OR3A2: variants seen among roughly 807,000 people sequenced by gnomAD.
OR3A2 encodes olfactory receptor family 3 subfamily A member 2.
For synonymous variants in OR3A2, 126 were observed against 159.3 expected, an observed-to-expected ratio of 0.79 and a Z score of 1.57; for missense variants, 318 against 392.8, an observed-to-expected ratio of 0.81 and a Z score of 1.61.
At chr17:3,341,131 C>T (rs1476975290) in intron 2 of OR3A2, among the ~76,000 whole-genome samples, 1 of 152,158 alleles carries the variant, frequency 6.6e-6, no homozygotes, top group African/African-American at 2.4e-5. Flanking sequence ...AGATCTTCCT[C>T]CATCCCTTTA....
chr17:3,374,275 AGG>A (rs2049659988), intron 2 of OR3A2, among the ~76,000 whole-genome samples: 1 of 152,178 alleles, frequency 6.6e-6, no homozygotes, highest in South Asian at 2.1e-4. Context: ...CTATCTGCCC[AGG>A]TGATGATCTT....
At position 3,321,548 on chromosome 17, in the gene OR3A2, C is replaced by T. The variant is rs576557210; in HGVS notation, c.-85+14485G>A. ...AGATAGCTCTTATTATTTTGAGATA[C>T]ATCCTATCAATACCTAATTTATTGA... On this transcript the variant is annotated intron_variant, in intron 3 of 4. Coordinates refer to the OR3A2 transcript ENST00000573491. 7.2e-4 allele frequency among the ~76,000 whole-genome samples: 110 copies of T among 152,164 alleles called. 1 individual carries two copies. Among genetic ancestry groups the T allele is most frequent in the African/African-American group, 2.6e-3 (106 of 41,500 alleles).
At chr17:3,279,717 C>T (rs1165033020) in intron 1 of OR3A2, among the ~76,000 whole-genome samples, 1 of 152,040 alleles carries the variant, frequency 6.6e-6, no homozygotes, top group African/African-American at 2.4e-5. Flanking sequence ...GAACCCGAGA[C>T]GTGGAGGTTG....
At chr17:3,360,606 G>A (rs1194982927) in intron 2 of OR3A2, among the ~76,000 whole-genome samples, 1 of 151,764 alleles carries the variant, frequency 6.6e-6, no homozygotes, top group Non-Finnish European at 1.5e-5. Flanking sequence ...AAGGTGTAAA[G>A]AAGGGATCCA....
intron 2 of OR3A2, among the ~76,000 whole-genome samples, chr17:3,381,946 A>C (rs1305250111): frequency 1.3e-5 from 2 of 152,188 alleles, no homozygotes; most frequent in Non-Finnish European, 2.9e-5. Flanking sequence ...CATTACAGAA[A>C]AAACAAAAAC....
chr17:3,326,819 T>C (rs1286300896), intron 3 of OR3A2, among the ~76,000 whole-genome samples: 1 of 141,846 alleles, frequency 7.0e-6, no homozygotes, highest in African/African-American at 2.7e-5. Flanking sequence ...TTTTTTGTTC[T>C]TGCGATAGTT....
intron 2 of OR3A2, among the ~76,000 whole-genome samples, chr17:3,339,073 G>A (rs905013055): frequency 1.3e-5 from 2 of 152,112 alleles, no homozygotes; most frequent in Admixed American, 1.3e-4. Flanking sequence ...CTGTTTGTCT[G>A]TTATTGGTGT....
At position 3,355,458 on chromosome 17, in the gene OR3A2, CTCTT is replaced by C. The variant is rs1238574583; in HGVS notation, c.-178-19336_-178-19333del. ...TCTCTCTCTCTCTCTCTCTCTCTCT[CTCTT>C]TAGCTCTAATAATGTTTGCTTTATA... On this transcript the variant is annotated intron_variant, in intron 2 of 4. Transcript: ENST00000573491. Among the ~76,000 whole-genome samples, 37 of 92,288 alleles carry C rather than the reference CTCTT, an allele frequency of 4.0e-4. 3 individuals are homozygous for C. The highest frequency in any genetic ancestry group is 2.1e-3 in the African/African-American group (36 of 16,888). 60.5% of individuals were successfully genotyped at this position (92,288 alleles called of 152,430 possible). A position where few individuals can be genotyped will look rare whatever the true frequency, so the allele number is the denominator to read the frequency against.
At chr17:3,337,741 G>C in intron 2 of OR3A2, among the ~76,000 whole-genome samples, 1 of 152,182 alleles carries the variant, frequency 6.6e-6, no homozygotes, top group East Asian at 1.9e-4. Context: ...ACATACGTGT[G>C]CATGTGTCTT....
chr17:3,309,904 G>A (rs199914385), intron 3 of OR3A2: 3 of 48,884 alleles, frequency 6.1e-5, no homozygotes, highest in Non-Finnish European at 9.9e-5. Context: ...CTGCTTCCCC[G>A]AAGCTTCCCT....
At chr17:3,376,638 A>G (rs1294784609) in intron 2 of OR3A2, among the ~76,000 whole-genome samples, 1 of 152,088 alleles carries the variant, frequency 6.6e-6, no homozygotes, top group Non-Finnish European at 1.5e-5. Context: ...TCCCATCATG[A>G]CCCACCAATA....
intron 1 of OR3A2, among the ~76,000 whole-genome samples, chr17:3,280,114 G>A (rs1479901373): frequency 6.6e-6 from 1 of 152,124 alleles, no homozygotes; most frequent in African/African-American, 2.4e-5. Flanking sequence ...ATAGCCTGTG[G>A]GTTGGTTGCC....
intron 2 of OR3A2, among the ~76,000 whole-genome samples, chr17:3,352,566 GTGTT>G (rs1366994438): frequency 3.3e-5 from 5 of 151,698 alleles, no homozygotes; most frequent in Non-Finnish European, 5.9e-5. Flanking sequence ...CACTGTAGGA[GTGTT>G]TGTTTCTGAG....
chr17:3,358,616 T>C (rs941026727), intron 2 of OR3A2, among the ~76,000 whole-genome samples: 2 of 151,770 alleles, frequency 1.3e-5, no homozygotes, highest in Non-Finnish European at 2.9e-5. Context: ...TTGACTTCTA[T>C]TTTTATTGTG....
intron 3 of OR3A2, among the ~76,000 whole-genome samples, chr17:3,314,476 A>C (rs894724339): frequency 2.0e-5 from 3 of 149,162 alleles, no homozygotes; most frequent in Non-Finnish European, 3.0e-5. Flanking sequence ...CATATGACTA[A>C]ATTGAGAAAG....
chr17:3,342,472 G>T (rs958865945), intron 2 of OR3A2, among the ~76,000 whole-genome samples: 10 of 152,086 alleles, frequency 6.6e-5, no homozygotes, highest in African/African-American at 4.8e-5. Context: ...CCTTTTTGTT[G>T]ATGTTGATGC....
intron 3 of OR3A2, among the ~76,000 whole-genome samples, chr17:3,329,326 G>C (rs1192762660): frequency 1.3e-5 from 2 of 149,438 alleles, no homozygotes; most frequent in African/African-American, 4.9e-5. Context: ...ATTTGGCTGT[G>C]AATCCATCTG....
intron 2 of OR3A2, among the ~76,000 whole-genome samples, chr17:3,346,258 T>C (rs973086107): frequency 2.0e-5 from 3 of 152,212 alleles, no homozygotes; most frequent in Non-Finnish European, 2.9e-5. Context: ...TTTTAATTTT[T>C]ATGGGTACAT....
intron 3 of OR3A2, among the ~76,000 whole-genome samples, chr17:3,292,843 G>A (rs2048888490): frequency 6.6e-6 from 1 of 151,952 alleles, no homozygotes; most frequent in Non-Finnish European, 1.5e-5. Flanking sequence ...CCGCCCCCCA[G>A]CTGCAAGAAC....
Sources: allele counts gnomAD v4.1 joint callset (sites outside exome capture counted in the v4.1 genomes callset), GRCh38; gene constraint gnomAD v4.1.1; transcripts MANE v1.5; gene names NCBI Gene and HGNC (gene_info 2026-07-23, HGNC 2026-07-21).